Variants in TDRD12 observed in about 807,000 individuals in gnomAD.
TDRD12 encodes the protein tudor domain containing 12, also known as putative ATP-dependent RNA helicase TDRD12.
Under a neutral mutation model 133.5 loss-of-function variants are expected in TDRD12, and 158 were observed. The ratio of observed to expected loss-of-function variants is 1.18; its 90% CI spans 1.04 to 1.35. The LOEUF is 1.35. Among genes scored for constraint, TDRD12 ranks in the 40% most tolerant of loss-of-function variants. TDRD12 has a pLI of 0.00. For synonymous variants in TDRD12, 460 were observed against 477.9 expected (o/e 0.96, Z 0.49); for missense variants, 1,443 against 1,321.3 (o/e 1.09, Z -1.43).
intron 11 of TDRD12, 94 bp downstream of exon 11, chr19:32,777,323 A>G: frequency 1.2e-6 from 1 of 831,386 alleles, no homozygotes; most frequent in Non-Finnish European, 1.8e-6. Context: ...ATTAATTTCA[A>G]ACCTGCATTC....
chr19:32,741,540 T>C (rs904382041), intron 3 of TDRD12, among the ~76,000 whole-genome samples: 6 of 152,332 alleles, frequency 3.9e-5, no homozygotes, highest in African/African-American at 1.4e-4. Context: ...TTTAACTGTT[T>C]GGGGAGCTTT....
intron 11 of TDRD12, 95 bp downstream of exon 11, chr19:32,777,324 A>G (rs1970611563): frequency 2.4e-6 from 2 of 825,126 alleles, no homozygotes; most frequent in Non-Finnish European, 1.8e-6. Context: ...TTAATTTCAA[A>G]CCTGCATTCC....
At chr19:32,769,247 A>G (rs992887061) in intron 8 of TDRD12, among the ~76,000 whole-genome samples, 6 of 152,110 alleles carry the variant, frequency 3.9e-5, no homozygotes, top group Non-Finnish European at 8.8e-5. Context: ...TTTGGCTTTT[A>G]CATTTAATTC....
At chr19:32,815,550 A>G (rs2145741529) in exon 26 of TDRD12, 2 of 1,536,450 alleles carry the variant, frequency 1.3e-6, no homozygotes, top group Non-Finnish European at 1.7e-6. Context: ...TCCAGAACAC[A>G]TAGAACAACT....
exon 19 of TDRD12, chr19:32,801,777 T>C (rs973934846): frequency 1.0e-5 from 15 of 1,433,540 alleles, no homozygotes; most frequent in South Asian, 1.3e-5. Flanking sequence ...CAGTTCAATA[T>C]TTTGCTTGAA....
At chr19:32,826,045 A>G (rs1967578063), downstream of TDRD12, 1 of 1,346,762 alleles carries the variant, frequency 7.4e-7, no homozygotes, top group Non-Finnish European at 1.0e-6. Context: ...TGTGTACATG[A>G]TGGAGTTACA....
chr19:32,773,429 T>C (rs1970492542), intron 9 of TDRD12, 27 bp from the exon 10 acceptor site: 1 of 1,547,836 alleles, frequency 6.5e-7, no homozygotes, highest in African/African-American at 1.4e-5. Context: ...ATACACATTC[T>C]TTCTGAAGAA....
rs752725058 is a variant in TDRD12 at position 32,807,547 on chromosome 19, A to G, written c.2553-2A>G. Reference sequence around the variant, plus strand: ...TGATAAGTCTAGTCATTTCATTTTCAGAGACAAAAGGATCTGTCCTGACCG... The same window carrying G: ...TGATAAGTCTAGTCATTTCATTTTCGGAGACAAAAGGATCTGTCCTGACCG... On this transcript the variant is annotated splice_acceptor_variant, in intron 21 of 27. Transcript: ENST00000444215. LOFTEE classifies it high-confidence loss of function. The G allele has an allele frequency of 3.3e-6, 5 of 1,507,726 alleles. No homozygotes were observed. Among genetic ancestry groups the G allele is most frequent in the South Asian group, 1.3e-5 (1 of 78,370 alleles). 93.4% of individuals were successfully genotyped at this position (1,507,726 alleles called of 1,614,324 possible).
rs1971057153 is a variant in TDRD12, at chr19:32,791,071, A to G, written c.1287+3A>G. The G allele has an allele frequency of 3.3e-6, 5 of 1,527,350 alleles. No individual in the cohort carries two copies. Among genetic ancestry groups the G allele is most frequent in the Non-Finnish European group, 4.4e-6 (5 of 1,144,524 alleles). 94.6% of individuals were successfully genotyped at this position (1,527,350 alleles called of 1,614,324 possible). On this transcript the variant is annotated splice_donor_region_variant and intron_variant, in intron 13 of 27. Transcript: ENST00000444215. ...CGCTGTCAGCAGACCTGAAGAAGGT[A>G]AAAGTGCTCGTAAAACTGAATTTAT...
At chr19:32,826,319 C>T in exon 8 of TDRD12, 1 of 1,386,472 alleles carries the variant, frequency 7.2e-7, no homozygotes. Context: ...ATGTAAAGGA[C>T]TACAAGTGTC....
chr19:32,815,556 C>T lies in TDRD12; in HGVS notation c.3250C>T (p.Gln1084Ter). 1.3e-6 allele frequency: 2 copies of T among 1,536,176 alleles called. No individual in the cohort carries two copies. The highest frequency in any genetic ancestry group is 1.7e-6 in the Non-Finnish European group (2 of 1,146,896). Reference sequence around the variant, plus strand: ...CATTGATAATCCAGAACACATAGAACAACTGAAAAAATTACGCGAAGATGC... The same window carrying T: ...CATTGATAATCCAGAACACATAGAATAACTGAAAAAATTACGCGAAGATGC... The change falls in exon 26 of 28, where the codon CAA (glutamine) becomes TAA (stop). Residue 1084 changes from glutamine (Q) to a stop codon, truncating the protein, a stop_gained. Coordinates refer to ENST00000444215, the Ensembl canonical transcript of TDRD12. LOFTEE classifies it high-confidence loss of function.
chr19:32,813,112 G>A (rs995107408), intron 24 of TDRD12, among the ~76,000 whole-genome samples: 1 of 152,122 alleles, frequency 6.6e-6, no homozygotes, highest in African/African-American at 2.4e-5. Flanking sequence ...GGAGTTCGAG[G>A]CTGCAGTGAG....
At chr19:32,789,520 G>A (rs776155360) in intron 11 of TDRD12, among the ~76,000 whole-genome samples, 1 of 152,140 alleles carries the variant, frequency 6.6e-6, no homozygotes, top group African/African-American at 2.4e-5. Context: ...GGGCTCATAC[G>A]GTGGGTGGGC....
intron 26 of TDRD12, among the ~76,000 whole-genome samples, chr19:32,817,775 C>G (rs145479523): frequency 6.6e-6 from 1 of 151,352 alleles, no homozygotes; most frequent in Non-Finnish European, 1.5e-5. Flanking sequence ...GCCCGAGGTG[C>G]AAACTCCAGG....
At position 32,754,667 on chromosome 19, in the gene TDRD12, A is replaced by C. The variant is rs181711499; in HGVS notation, c.583-1325A>C. Among the ~76,000 whole-genome samples, 123 of 131,984 alleles carry C rather than the reference A, an allele frequency of 9.3e-4. 1 individual carries two copies. Among genetic ancestry groups the C allele is most frequent in the Admixed American group, 1.7e-3 (21 of 12,672 alleles). 86.6% of individuals were successfully genotyped at this position (131,984 alleles called of 152,430 possible). On this transcript the variant is annotated intron_variant, in intron 6 of 27. Transcript: ENST00000444215. ...TAGGTTGTATGTTGATAATGACTCT[A>C]TCTTTTTTTTTTTTTTTTTTTTTTT... is the stretch of plus-strand genomic sequence containing the variant.
At chr19:32,753,733 G>C (rs545670591) in intron 6 of TDRD12, among the ~76,000 whole-genome samples, 1 of 147,590 alleles carries the variant, frequency 6.8e-6, no homozygotes, top group East Asian at 2.0e-4. Context: ...TAGCCAGGAT[G>C]GTCTCGATCT....
chr19:32,824,440 T>G (rs1967516467), downstream of TDRD12: 1 of 153,456 alleles, frequency 6.5e-6, no homozygotes, highest in African/African-American at 2.4e-5. Flanking sequence ...TGGGGTTGTT[T>G]GTGTTGCATG....
At chr19:32,801,850 G>C (rs62126513) in exon 19 of TDRD12, 1 of 1,412,070 alleles carries the variant, frequency 7.1e-7, no homozygotes. Context: ...AAGAAGTTAA[G>C]TTCTGGCTCT....
chr19:32,786,130 G>A (rs940252090), intron 11 of TDRD12, among the ~76,000 whole-genome samples: 1 of 152,170 alleles, frequency 6.6e-6, no homozygotes, highest in African/African-American at 2.4e-5. Flanking sequence ...GCCTGGTGGT[G>A]ACAAAATCTC....
Sources: gnomAD v4.1 joint callset for allele counts (sites outside exome capture counted in the v4.1 genomes callset) on GRCh38, gnomAD v4.1.1 for gene constraint, MANE v1.5 for transcripts, NCBI Gene and HGNC (gene_info 2026-07-23, HGNC 2026-07-21) for gene names.